Variants in IGF2BP2 observed in about 807,000 individuals in gnomAD.
IGF2BP2 encodes insulin like growth factor 2 mRNA binding protein 2.
In IGF2BP2, 17 loss-of-function variants were observed where a neutral mutation model predicts 75.8. The ratio of observed to expected loss-of-function variants is 0.22; its 90% confidence interval spans 0.15 to 0.34. The LOEUF is 0.34. Ranked by LOEUF, IGF2BP2 falls within the 10% of genes least tolerant of loss-of-function variation. The pLI, the probability that IGF2BP2 is intolerant of heterozygous loss-of-function variation, is 1.00. For synonymous variants in IGF2BP2, 288 were observed against 295.6 expected (o/e 0.97, Z 0.26); for missense variants, 516 against 772.4 (o/e 0.67, Z 3.93).
At chr3:185,820,974 A>G (rs1272814699) in intron 2 of IGF2BP2, 1 of 1,531,458 alleles carries the variant, frequency 6.5e-7, no homozygotes. Context: ...AATAGTCTCC[A>G]TATAACATAA....
chr3:185,821,441 A>C (rs753098720), intron 2 of IGF2BP2, among the ~76,000 whole-genome samples: 4 of 152,188 alleles, frequency 2.6e-5, no homozygotes, highest in Non-Finnish European at 5.9e-5. Flanking sequence ...AACAGAACAA[A>C]ATTACTTAAA....
chr3:185,718,898 C>G (rs1726084862), intron 2 of IGF2BP2, among the ~76,000 whole-genome samples: 1 of 152,078 alleles, frequency 6.6e-6, no homozygotes, highest in East Asian at 1.9e-4. Context: ...ATGGGCTATT[C>G]TGGGCTTCCC....
Position 185,657,140 on chromosome 3 carries a change from G to A in IGF2BP2, c.1386+146C>T, listed in dbSNP as rs568686464. ...AAGAAAAGGAAAGATGAGAGCGGAC[G>A]GGAATAGTCATGGGGCAAATGTTCT... On this transcript the variant is annotated intron_variant, in intron 12 of 15. Coordinates refer to ENST00000382199, the MANE Select transcript of IGF2BP2 (RefSeq NM_006548.6). The A allele has an allele frequency of 9.5e-5, 55 of 578,620 alleles. No homozygotes were observed. In the South Asian group the frequency reaches 1.2e-3, roughly 13 times the overall value. The allele number at this position is 578,620 out of a possible 1,614,324, so 35.8% of individuals were successfully genotyped here.
In IGF2BP2 at chr3:185,647,006, G is replaced by A. The variant is rs1713688544; in HGVS notation, c.1707+19C>T. 6.4e-7 allele frequency: 1 copy of A among 1,552,170 alleles called. No individual in the cohort carries two copies. Among genetic ancestry groups the A allele is most frequent in the African/African-American group, 1.4e-5 (1 of 73,538 alleles). ...GAAAAGAGACTTGCAGGAGAGACAG[G>A]GCCCTCACAGCACAGTACCTGGCTA... On this transcript the variant is annotated intron_variant, in intron 15 of 15. Transcript: ENST00000382199. This position sits in a 1 kb window ranked among gnomAD's most constrained non-coding sequence, Gnocchi z 4.9.
chr3:185,721,472 G>C (rs1726534115), intron 2 of IGF2BP2, among the ~76,000 whole-genome samples: 2 of 152,084 alleles, frequency 1.3e-5, no homozygotes, highest in African/African-American at 4.8e-5. Context: ...AAAGTGCTGG[G>C]ATTACAGGCA....
intron 7 of IGF2BP2, among the ~76,000 whole-genome samples, chr3:185,685,468 A>G (rs749687314): frequency 1.7e-4 from 26 of 152,228 alleles, no homozygotes; most frequent in Non-Finnish European, 2.9e-4. Context: ...TAAATAATTC[A>G]TAATAGAAAG....
chr3:185,779,093 T>TG (rs397807618), intron 2 of IGF2BP2, among the ~76,000 whole-genome samples: 1 of 151,810 alleles, frequency 6.6e-6, no homozygotes, highest in African/African-American at 2.4e-5. Context: ...TTTTTTTTTT[T>TG]GCAGTTATTT....
At position 185,672,551 on chromosome 3, in the gene IGF2BP2, T is replaced by A; in HGVS notation, c.1190A>T (p.His397Leu). The change falls in exon 10 of 16, where the codon CAC becomes CTC. Residue 397 changes from histidine (H) to leucine (L), a missense_variant. Transcript: ENST00000382199. ...AGCTGAGCTACTTACAGTGAAGGGG[T>A]GGTAGGGGGCAGCGGGGGGAGCTCC... Reference protein sequence around the residue: ...PRGAPPAAPYHPFTTHSGYFS... With the variant: ...PRGAPPAAPYLPFTTHSGYFS... 6.2e-7 allele frequency: 1 copy of A among 1,608,054 alleles called. No individual in the cohort carries two copies. The highest frequency in any genetic ancestry group is 8.5e-7 in the Non-Finnish European group (1 of 1,177,630).
intron 2 of IGF2BP2, among the ~76,000 whole-genome samples, chr3:185,731,063 A>G (rs1392245875): frequency 6.6e-6 from 1 of 152,168 alleles, no homozygotes; most frequent in Non-Finnish European, 1.5e-5. Flanking sequence ...TGAATGAATA[A>G]ATACTTTAAA....
intron 2 of IGF2BP2, among the ~76,000 whole-genome samples, chr3:185,783,465 C>T (rs1013531527): frequency 6.6e-6 from 1 of 152,152 alleles, no homozygotes; most frequent in African/African-American, 2.4e-5. Context: ...ACAAAGAGTT[C>T]CCAAGATTCC....
At chr3:185,789,453 T>C (rs1736330307) in intron 2 of IGF2BP2, among the ~76,000 whole-genome samples, 2 of 152,156 alleles carry the variant, frequency 1.3e-5, no homozygotes, top group Non-Finnish European at 1.5e-5. Flanking sequence ...GCAATAAAGA[T>C]GTCTATAGAT....
chr3:185,708,609 G>A (rs149446169), intron 2 of IGF2BP2, among the ~76,000 whole-genome samples: 36 of 152,180 alleles, frequency 2.4e-4, no homozygotes, highest in African/African-American at 1.2e-4. Context: ...GCACATACAT[G>A]GAAGGGCCTG....
intron 2 of IGF2BP2, among the ~76,000 whole-genome samples, chr3:185,821,665 A>G (rs1451560283): frequency 1.3e-5 from 2 of 152,140 alleles, no homozygotes; most frequent in East Asian, 3.8e-4. Flanking sequence ...TATAACCCCC[A>G]AAAGTATTCA....
chr3:185,701,942 G>A (rs1723365593), intron 2 of IGF2BP2, among the ~76,000 whole-genome samples: 1 of 152,068 alleles, frequency 6.6e-6, no homozygotes, highest in African/African-American at 2.4e-5. Flanking sequence ...TCTCATCAGG[G>A]TACCCAGGAG....
chr3:185,674,684 A>G (rs1719028036), intron 9 of IGF2BP2, among the ~76,000 whole-genome samples: 1 of 152,236 alleles, frequency 6.6e-6, no homozygotes, highest in African/African-American at 2.4e-5. Flanking sequence ...GTAACAGGAC[A>G]ATATTATGTA....
chr3:185,689,472 G>A lies in IGF2BP2; in HGVS notation c.560C>T (p.Ser187Phe). 6.2e-7 allele frequency: 1 copy of A among 1,613,856 alleles called. No individual in the cohort carries two copies. The highest frequency in any genetic ancestry group is 1.1e-5 in the South Asian group (1 of 91,050). The change falls in exon 6 of 16, where the codon TCT becomes TTT. Residue 187 changes from serine (S) to phenylalanine (F), a missense_variant. Around this residue, in one of 3 missense-constraint regions of IGF2BP2, gnomAD observed 312 missense variants for 474.5 expected, o/e 0.66. Transcript: ENST00000382199. ...REQGHAPGGTSQARQIDFPLR... is the reference protein window; with the variant it reads ...REQGHAPGGTFQARQIDFPLR... ...CGGGAAATCAATCTGTCTGGCCTGA[G>A]AAGTGCCCCCAGGGGCGTGGCCTTG...
chr3:185,696,459 A>C (rs1445633498), intron 4 of IGF2BP2, 153 bp downstream of exon 4: 1 of 650,920 alleles, frequency 1.5e-6, no homozygotes, highest in African/African-American at 1.8e-5. Context: ...CATCTATGTA[A>C]GATACATCTT....
Position 185,823,266 on chromosome 3 carries a change from G to A in IGF2BP2, c.179-53C>T, listed in dbSNP as rs1047043329. On this transcript the variant is annotated intron_variant, in intron 1 of 15. Transcript: ENST00000382199. ...AACCTTGCTTAGATCAAGCCCGCGG[G>A]GGTCTAGGGGGGGCACGCACGGAAC... 5.0e-5 allele frequency: 69 copies of A among 1,387,854 alleles called. 1 individual carries two copies. The highest frequency in any genetic ancestry group is 3.9e-4 in the South Asian group (31 of 80,058). 86.0% of individuals were successfully genotyped at this position (1,387,854 alleles called of 1,614,324 possible). A position where few individuals can be genotyped will look rare whatever the true frequency, so the allele number is the denominator to read the frequency against.
At position 185,819,051 on chromosome 3, in the gene IGF2BP2, A is replaced by T. The variant is rs183632890; in HGVS notation, c.239+4102T>A. On this transcript the variant is annotated intron_variant, in intron 2 of 15. Coordinates refer to ENST00000382199, the MANE Select transcript of IGF2BP2 (RefSeq NM_006548.6). ...AAACATATTGCACTTTAGATCATCA[A>T]GTATAAAAGGCTTTGTACAAATATT... Among the ~76,000 whole-genome samples, 130 of 152,296 alleles carry T rather than the reference A, an allele frequency of 8.5e-4. 1 individual carries two copies. Among genetic ancestry groups the T allele is most frequent in the Middle Eastern group, 6.8e-3 (2 of 294 alleles).
Sources: gnomAD v4.1 joint callset for allele counts (sites outside exome capture counted in the v4.1 genomes callset) on GRCh38, gnomAD v4.1.1 for gene constraint, gnomAD v4.1.1 regional missense constraint, Gnocchi (gnomAD v3.1) non-coding constraint, MANE v1.5 for transcripts, NCBI Gene and HGNC (gene_info 2026-07-23, HGNC 2026-07-21) for gene names.